CADM2: variants seen among roughly 807,000 people sequenced by gnomAD.
CADM2 encodes cell adhesion molecule 2.
A neutral mutation model predicts 49.8 loss-of-function variants in CADM2; 12 were observed. The ratio of observed to expected loss-of-function variants is 0.24; its 90% CI spans 0.15 to 0.39. CADM2 has a LOEUF of 0.39. CADM2 is among the 10% of genes least tolerant of loss of function. The pLI is 1.00. For synonymous variants in CADM2, 214 were observed against 175.4 expected (o/e 1.22, Z -1.74); for missense variants, 378 against 492.3 (o/e 0.77, Z 2.20).
At chr3:85,964,456 T>A (rs1318289067) in intron 8 of CADM2, among the ~76,000 whole-genome samples, 1 of 151,778 alleles carries the variant, frequency 6.6e-6, no homozygotes, top group African/African-American at 2.4e-5. Context: ...ATTGTTTGGG[T>A]GTCAGTGCAT....
At chr3:85,034,691 A>T (rs1351412998) in intron 1 of CADM2, among the ~76,000 whole-genome samples, 1 of 151,358 alleles carries the variant, frequency 6.6e-6, no homozygotes, top group Non-Finnish European at 1.5e-5. Context: ...TAATGGTTGT[A>T]CTAATTTACA....
intron 2 of CADM2, among the ~76,000 whole-genome samples, chr3:85,785,993 C>T (rs958875404): frequency 3.9e-5 from 6 of 152,008 alleles, no homozygotes; most frequent in African/African-American, 1.4e-4. Flanking sequence ...GAGGAAACTG[C>T]TCAGGAGTTC....
chr3:85,477,060 T>C (rs1410008403), intron 1 of CADM2, among the ~76,000 whole-genome samples: 1 of 151,818 alleles, frequency 6.6e-6, no homozygotes. Flanking sequence ...GCATGTTACA[T>C]TGAGCAGCAG....
At chr3:85,141,302 T>A (rs1302811673) in intron 1 of CADM2, among the ~76,000 whole-genome samples, 1 of 152,176 alleles carries the variant, frequency 6.6e-6, no homozygotes, top group Non-Finnish European at 1.5e-5. Flanking sequence ...AATTTCTTAA[T>A]CTTTTAAATT....
chr3:85,542,590 G>A (rs531458885), intron 1 of CADM2, among the ~76,000 whole-genome samples: 1 of 152,214 alleles, frequency 6.6e-6, no homozygotes, highest in East Asian at 1.9e-4. Flanking sequence ...TTTATAAACA[G>A]TATTTTGAAT....
intron 1 of CADM2, among the ~76,000 whole-genome samples, chr3:85,594,083 C>A (rs2107356452): frequency 6.6e-6 from 1 of 151,916 alleles, no homozygotes. Flanking sequence ...GATGTAAATT[C>A]TTAAAAACAG....
At chr3:85,439,747 A>C (rs911981143) in intron 1 of CADM2, among the ~76,000 whole-genome samples, 1 of 152,102 alleles carries the variant, frequency 6.6e-6, no homozygotes, top group African/African-American at 2.4e-5. Flanking sequence ...ATTTTATACA[A>C]ATAAAGAATA....
chr3:85,728,369 C>A (rs528833228), intron 2 of CADM2, among the ~76,000 whole-genome samples: 2 of 152,204 alleles, frequency 1.3e-5, no homozygotes, highest in South Asian at 4.1e-4. Context: ...ATTTTTGCAT[C>A]TACAAGGCAA....
chr3:85,570,320 A>G (rs770226648), intron 1 of CADM2, among the ~76,000 whole-genome samples: 11 of 152,148 alleles, frequency 7.2e-5, no homozygotes, highest in Non-Finnish European at 1.3e-4. Context: ...AACAGAGGCT[A>G]CCAAGAAGAG....
chr3:85,865,967 A>G (rs1167858197), intron 3 of CADM2, among the ~76,000 whole-genome samples: 1 of 152,064 alleles, frequency 6.6e-6, no homozygotes, highest in African/African-American at 2.4e-5. Context: ...AGAATTTTGG[A>G]ACTGGGAGGT....
At chr3:84,986,038 C>T (rs547815456) in intron 1 of CADM2, among the ~76,000 whole-genome samples, 1 of 152,266 alleles carries the variant, frequency 6.6e-6, no homozygotes, top group South Asian at 2.1e-4. Context: ...AGACAACTAC[C>T]ATTACCCAAT....
intron 8 of CADM2, among the ~76,000 whole-genome samples, chr3:86,046,088 A>G (rs1222502890): frequency 6.6e-6 from 1 of 152,174 alleles, no homozygotes; most frequent in African/African-American, 2.4e-5. Flanking sequence ...AGCTGAATTC[A>G]GAGAAGTTCA....
At chr3:85,060,731 T>G (rs1388543190) in intron 1 of CADM2, among the ~76,000 whole-genome samples, 6 of 152,128 alleles carry the variant, frequency 3.9e-5, no homozygotes, top group Non-Finnish European at 7.4e-5. Flanking sequence ...TAAGGATATT[T>G]TATGGGTCTG....
chr3:85,111,389 G>A lies in CADM2; in HGVS notation c.61+151721G>A, dbSNP rs1203816511. Among the ~76,000 whole-genome samples, 3 of 151,806 alleles carry A rather than the reference G, an allele frequency of 2.0e-5. 1 individual carries two copies. Among genetic ancestry groups the A allele is most frequent in the East Asian group, 3.8e-4 (2 of 5,200 alleles). The stretch of plus-strand genomic sequence containing the variant: ...TTTAAGCCTGTATACCCCAGGTTTT[G>A]TAATCTTTGCAATATATGAGGCTGC... On this transcript the variant is annotated intron_variant, in intron 1 of 9. Transcript: ENST00000383699.
At chr3:85,132,592 A>T (rs570509851) in intron 1 of CADM2, among the ~76,000 whole-genome samples, 10 of 150,550 alleles carry the variant, frequency 6.6e-5, no homozygotes, top group African/African-American at 2.5e-4. Context: ...AATCCATTAC[A>T]TAAATTTAGT....
intron 1 of CADM2, among the ~76,000 whole-genome samples, chr3:85,497,176 A>G (rs946302047): frequency 6.6e-6 from 1 of 151,968 alleles, no homozygotes; most frequent in Non-Finnish European, 1.5e-5. Flanking sequence ...GCCACTTTTT[A>G]ATGGGGTTGC....
Position 85,390,148 on chromosome 3 carries a change from ATTTC to A in CADM2, c.62-336372_62-336369del, listed in dbSNP as rs375074879. ...CATCCAGATAATATTTATATAATGA[ATTTC>A]TAATGGGAGACCTCATGCTAGATTC... On this transcript the variant is annotated intron_variant, in intron 1 of 9. Transcript: ENST00000383699. Among the ~76,000 whole-genome samples the A allele has an allele frequency of 6.1e-3, 931 of 152,176 alleles. 6 individuals carry two copies. The highest frequency in any genetic ancestry group is 9.7e-3 in the Non-Finnish European group (656 of 67,942).
intron 1 of CADM2, among the ~76,000 whole-genome samples, chr3:85,647,701 A>G (rs574422825): frequency 6.6e-6 from 1 of 151,920 alleles, no homozygotes; most frequent in Admixed American, 6.6e-5. Flanking sequence ...TTTAGATGCA[A>G]TTTTATTTTA....
intron 9 of CADM2, 122 bp downstream of exon 9, chr3:86,065,852 A>C (rs1335612907): frequency 2.2e-6 from 2 of 908,648 alleles, no homozygotes; most frequent in Middle Eastern, 3.3e-4. Context: ...GATAGAGAGA[A>C]ATGCTAAATT....
Sources: allele counts gnomAD v4.1 joint callset (sites outside exome capture counted in the v4.1 genomes callset), GRCh38; gene constraint gnomAD v4.1.1; transcripts MANE v1.5; gene names NCBI Gene and HGNC (gene_info 2026-07-23, HGNC 2026-07-21).